The following RBFOX1 variants were observed in gnomAD, a reference collection of about 807,000 sequenced individuals.
RBFOX1 encodes RNA binding protein fox-1 homolog 1.
Under a neutral mutation model 57.7 loss-of-function variants are expected in RBFOX1, and 8 were observed. The ratio of observed to expected loss-of-function variants is 0.14; its 90% CI spans 0.08 to 0.25. The LOEUF is 0.25. Ranked by LOEUF, RBFOX1 falls within the 10% of genes least tolerant of loss-of-function variation. RBFOX1 has a pLI of 1.00. For synonymous variants in RBFOX1, 326 were observed against 222.4 expected (o/e 1.47, Z -4.15); for missense variants, 611 against 548.5 (o/e 1.11, Z -1.14).
intron 1 of RBFOX1, among the ~76,000 whole-genome samples, chr16:6,162,649 C>G (rs1328631650): frequency 3.3e-5 from 5 of 152,098 alleles, no homozygotes; most frequent in African/African-American, 1.2e-4. Flanking sequence ...CATTTAACCC[C>G]CAAAGAAAGT....
intron 10 of RBFOX1, among the ~76,000 whole-genome samples, chr16:7,607,741 T>C (rs1026920249): frequency 7.2e-5 from 11 of 152,080 alleles, no homozygotes; most frequent in African/African-American, 2.7e-4. Context: ...AAGCAGAGAG[T>C]CGAGTTGGCT....
chr16:6,327,077 TAAC>T (rs1262045166), intron 2 of RBFOX1, among the ~76,000 whole-genome samples: 19 of 152,182 alleles, frequency 1.2e-4, no homozygotes, highest in African/African-American at 3.9e-4. Flanking sequence ...TGAATGGCTC[TAAC>T]ATGCACCACT....
chr16:7,316,733 G>A (rs1415054247), intron 4 of RBFOX1, among the ~76,000 whole-genome samples: 2 of 152,086 alleles, frequency 1.3e-5, no homozygotes, highest in Admixed American at 6.6e-5. Flanking sequence ...GAGATGGAGT[G>A]GGAGGTAGGC....
intron 2 of RBFOX1, among the ~76,000 whole-genome samples, chr16:5,543,752 C>T (rs138629463): frequency 2.3e-3 from 351 of 152,096 alleles, no homozygotes; most frequent in Middle Eastern, 6.8e-3. Flanking sequence ...AGTGTTCAAG[C>T]TTAGTGATAT....
chr16:7,206,060 C>G (rs560919618), intron 4 of RBFOX1, among the ~76,000 whole-genome samples: 19 of 152,272 alleles, frequency 1.2e-4, no homozygotes, highest in Non-Finnish European at 1.9e-4. Context: ...TTTACTTAGA[C>G]TGACACTAGG....
chr16:6,097,316 C>T lies in RBFOX1; in HGVS notation c.-127+77324C>T, dbSNP rs1474794416. ...CATAAAAACAGACTAACATAACCCC[C>T]CTTTCTTCCTACCCCTGTGATTTGG... On this transcript the variant is annotated intron_variant, in intron 1 of 15. Coordinates refer to ENST00000550418, the MANE Select transcript of RBFOX1 (RefSeq NM_018723.4). This position sits in a 1 kb window ranked among gnomAD's most constrained non-coding sequence, Gnocchi z 5.0. Among the ~76,000 whole-genome samples, 2 of 152,160 alleles carry T rather than the reference C, an allele frequency of 1.3e-5. No homozygotes were observed. The highest frequency in any genetic ancestry group is 3.9e-4 in the East Asian group (2 of 5,194).
chr16:5,264,281 T>C (rs1456565105), intron 1 of RBFOX1, among the ~76,000 whole-genome samples: 1 of 152,046 alleles, frequency 6.6e-6, no homozygotes, highest in Non-Finnish European at 1.5e-5. Flanking sequence ...CACCGTTTGA[T>C]GTTGGGATGT....
intron 3 of RBFOX1, among the ~76,000 whole-genome samples, chr16:5,786,124 A>T (rs566884253): frequency 1.9e-4 from 29 of 152,064 alleles, no homozygotes; most frequent in Non-Finnish European, 4.1e-4. Context: ...GGTGATTCAG[A>T]CTTTGCTTAT....
intron 13 of RBFOX1, 89 bp downstream of exon 13, chr16:7,665,057 A>T (rs1216134388): frequency 5.0e-6 from 8 of 1,611,568 alleles, no homozygotes; most frequent in Non-Finnish European, 6.8e-6. Flanking sequence ...TACTTGGCGT[A>T]GTTGAGTTTC....
chr16:7,507,359 G>A (rs2073656904), intron 4 of RBFOX1, among the ~76,000 whole-genome samples: 1 of 150,764 alleles, frequency 6.6e-6, no homozygotes, highest in African/African-American at 2.4e-5. Context: ...AAGAATGTTG[G>A]TATGATGATC....
intron 2 of RBFOX1, among the ~76,000 whole-genome samples, chr16:6,540,284 T>C (rs904724755): frequency 2.0e-5 from 3 of 149,034 alleles, no homozygotes; most frequent in Admixed American, 1.4e-4. Flanking sequence ...TATTCGTAGA[T>C]AGCCATCATA....
At chr16:6,760,051 G>C (rs1055771401) in intron 3 of RBFOX1, among the ~76,000 whole-genome samples, 1 of 152,140 alleles carries the variant, frequency 6.6e-6, no homozygotes, top group Non-Finnish European at 1.5e-5. Flanking sequence ...ACAGCAAAAG[G>C]TGAGCATATG....
intron 1 of RBFOX1, among the ~76,000 whole-genome samples, chr16:6,041,935 A>T (rs1427135196): frequency 2.0e-5 from 3 of 152,094 alleles, no homozygotes; most frequent in Admixed American, 6.5e-5. Context: ...GTGTCAGCAG[A>T]GCTTCTTACC....
intron 4 of RBFOX1, among the ~76,000 whole-genome samples, chr16:5,886,232 T>C (rs943240565): frequency 6.6e-6 from 1 of 152,212 alleles, no homozygotes. Context: ...AAAAATTGAC[T>C]AATACCGTTA....
chr16:6,350,515 T>C (rs533354781), intron 2 of RBFOX1, among the ~76,000 whole-genome samples: 8 of 136,194 alleles, frequency 5.9e-5, no homozygotes, highest in African/African-American at 2.2e-4. Context: ...TTCTCTAGAA[T>C]ATACTTCCCA....
rs140280295 is a variant in RBFOX1, at chr16:5,588,175, A to G, written c.259-10727A>G. ...ACACAAATAAATCCATAAAGAAGAA[A>G]GTAGATCGGTGATTGCTTGGGGCTG... On this transcript the variant is annotated intron_variant, in intron 2 of 2. Coordinates refer to the RBFOX1 transcript ENST00000585867. Among the ~76,000 whole-genome samples, 9 of 152,182 alleles carry G rather than the reference A, an allele frequency of 5.9e-5. No individual in the cohort carries two copies. In the East Asian group the frequency reaches 1.7e-3, roughly 29 times the overall value.
chr16:7,646,168 A>C (rs552258525), intron 11 of RBFOX1, among the ~76,000 whole-genome samples: 1 of 152,202 alleles, frequency 6.6e-6, no homozygotes, highest in Non-Finnish European at 1.5e-5. Flanking sequence ...AGGAGAAAAC[A>C]TATTTTGCCA....
At chr16:5,633,145 G>A (rs2048572063) in intron 3 of RBFOX1, among the ~76,000 whole-genome samples, 1 of 151,874 alleles carries the variant, frequency 6.6e-6, no homozygotes, top group Admixed American at 6.6e-5. Context: ...CGCCATATTG[G>A]CCAGGCTGGT....
intron 4 of RBFOX1, among the ~76,000 whole-genome samples, chr16:7,070,204 T>C (rs1399497604): frequency 2.0e-5 from 3 of 152,226 alleles, no homozygotes; most frequent in Admixed American, 2.0e-4. Context: ...CACGAGGTTT[T>C]GATGGCACAG....
Sources: gnomAD v4.1 joint callset for allele counts (sites outside exome capture counted in the v4.1 genomes callset) on GRCh38, gnomAD v4.1.1 for gene constraint, Gnocchi (gnomAD v3.1) non-coding constraint, MANE v1.5 for transcripts, NCBI Gene and HGNC (gene_info 2026-07-23, HGNC 2026-07-21) for gene names.